TET1: variants seen among roughly 807,000 people sequenced by gnomAD.
TET1 encodes tet methylcytosine dioxygenase 1, also known as methylcytosine dioxygenase TET1.
A neutral mutation model predicts 148.7 loss-of-function variants in TET1; 13 were observed. That is an observed-to-expected ratio of 0.09 (90% CI 0.06 to 0.14). TET1 has a LOEUF of 0.14. Among genes scored for constraint, TET1 ranks in the 10% least tolerant of loss-of-function variants. The pLI is 1.00. For missense variants in TET1, 2,182 were observed against 2,553.8 expected (o/e 0.85, Z 3.14); for synonymous variants, 907 against 937.2 (o/e 0.97, Z 0.59).
At chr10:68,652,373 CG>C in intron 5 of TET1, 127 bp from the exon 6 acceptor site, 2 of 532,788 alleles carry the variant, frequency 3.8e-6, no homozygotes, top group Non-Finnish European at 6.3e-6. Context: ...GAGTAAATTA[CG>C]AAGAGTGTCT....
chr10:68,597,816 A>C (rs1026854295), intron 2 of TET1, among the ~76,000 whole-genome samples: 4 of 152,246 alleles, frequency 2.6e-5, no homozygotes, highest in African/African-American at 9.6e-5. Context: ...CCTTGTAAAT[A>C]TTATGCTATT....
At chr10:68,587,876 G>T (rs777398671) in intron 2 of TET1, among the ~76,000 whole-genome samples, 2 of 152,078 alleles carry the variant, frequency 1.3e-5, no homozygotes, top group African/African-American at 2.4e-5. Flanking sequence ...ACGTCTTGTT[G>T]TTTTTGTTTT....
chr10:68,632,431 T>G, intron 3 of TET1: 1 of 1,612,078 alleles, frequency 6.2e-7, no homozygotes, highest in Non-Finnish European at 8.5e-7. Flanking sequence ...GCTCCTAGGA[T>G]TTTTAGATGT....
chr10:68,682,351 A>T (rs1388143241), intron 9 of TET1, among the ~76,000 whole-genome samples: 1 of 152,058 alleles, frequency 6.6e-6, no homozygotes, highest in African/African-American at 2.4e-5. Flanking sequence ...GCCACAAGTG[A>T]TCTGCCCGCC....
chr10:68,686,619 A>G lies in TET1; in HGVS notation c.5316A>G (p.Ala1772=), dbSNP rs1756635059. 1.9e-6 allele frequency: 3 copies of G among 1,614,232 alleles called. No individual in the cohort carries two copies. Among genetic ancestry groups the G allele is most frequent in the Non-Finnish European group, 2.5e-6 (3 of 1,180,046 alleles). The change falls in exon 11 of 12, where the codon GCA becomes GCG. Residue 1772 remains alanine, a synonymous_variant. Transcript: ENST00000373644. ...AGGTTCTTGCACATAAGATAAGGGCAGTGGAAAAGAAACCTATTCCCCGAA... is the reference window on the plus strand; with the variant it reads ...AGGTTCTTGCACATAAGATAAGGGCGGTGGAAAAGAAACCTATTCCCCGAA... The part of the protein sequence containing the change: ...MTEVLAHKIR[A]VEKKPIPRIK...
Position 68,691,684 on chromosome 10 carries a change from A to T in TET1, c.6281A>T (p.Gln2094Leu). 1 of 1,614,228 alleles carries T rather than the reference A, an allele frequency of 6.2e-7. No individual in the cohort carries two copies. The highest frequency in any genetic ancestry group is 8.5e-7 in the Non-Finnish European group (1 of 1,180,048). ...KDQAANEGPE[Q>L]SSEVNELNQI... ...CAGGCAGCTAATGAAGGTCCAGAAC[A>T]GTCCTCTGAAGTAAATGAATTGAAC... is the stretch of plus-strand genomic sequence containing the variant. Residue 2094 changes from glutamine to leucine, a missense_variant, in exon 12 of 12, where the codon CAG (glutamine) becomes CTG (leucine). By Grantham distance (113) the Gln-to-Leu change is moderately radical. Transcript: ENST00000373644. The surrounding 1 kb of genome is among the most constrained non-coding windows in gnomAD (Gnocchi z 4.4).
rs1404496475 is a variant in TET1 at position 68,691,284 on chromosome 10, GAGC to G, written c.5886_5888del (p.Gln1962del). 1 of 1,614,150 alleles carries G rather than the reference GAGC, an allele frequency of 6.2e-7. No homozygotes were observed. Among genetic ancestry groups the G allele is most frequent in the Non-Finnish European group, 8.5e-7 (1 of 1,180,040 alleles). On this transcript the variant is annotated inframe_deletion, in exon 12 of 12. Coordinates refer to ENST00000373644, the MANE Select transcript of TET1 (RefSeq NM_030625.3). This position sits in a 1 kb window ranked among gnomAD's most constrained non-coding sequence, Gnocchi z 4.4. ...TGCCTCTTCTCCAATGGAAGAAGAT[GAGC>G]AGCATTCTGAAGCAGATGAGCCTCC...
At chr10:68,629,163 G>C (rs10823237) in intron 3 of TET1, among the ~76,000 whole-genome samples, 59,429 of 151,772 alleles carry the variant, frequency 0.39, 11,791 homozygotes, top group East Asian at 0.44. Context: ...TCAGGAGTTT[G>C]AGATCAGCCT....
chr10:68,681,469 C>G lies in TET1; in HGVS notation c.4895C>G (p.Pro1632Arg). The G allele has an allele frequency of 6.2e-7, 1 of 1,612,540 alleles. No homozygotes were observed. Among genetic ancestry groups the G allele is most frequent in the Non-Finnish European group, 8.5e-7 (1 of 1,178,812 alleles). ...GCTCCAATTTATAAGCAGTATGCTC[C>G]AGTAGCTTACCAAAATCAGGTATGT... Reference protein sequence around the residue: ...RLAPIYKQYAPVAYQNQVEYE... With the variant: ...RLAPIYKQYARVAYQNQVEYE... Residue 1632 changes from proline (P) to arginine (R), a missense_variant, in exon 9 of 12, where the codon CCA becomes CGA. Coordinates refer to ENST00000373644, the MANE Select transcript of TET1 (RefSeq NM_030625.3).
At chr10:68,632,118 G>A (rs2054581195) in intron 3 of TET1, among the ~76,000 whole-genome samples, 1 of 152,050 alleles carries the variant, frequency 6.6e-6, no homozygotes, top group African/African-American at 2.4e-5. Flanking sequence ...ATGTCAGATC[G>A]AGACCATCGT....
intron 2 of TET1, among the ~76,000 whole-genome samples, chr10:68,583,165 A>G (rs906538237): frequency 1.3e-5 from 2 of 152,156 alleles, no homozygotes; most frequent in African/African-American, 4.8e-5. Context: ...GTGCATGTTT[A>G]TTTTGCTGCA....
intron 1 of TET1, among the ~76,000 whole-genome samples, chr10:68,569,119 A>T (rs568453054): frequency 6.0e-5 from 9 of 150,214 alleles, no homozygotes; most frequent in Middle Eastern, 3.5e-3. Flanking sequence ...TGGATTGTTA[A>T]TTGGAATGTG....
intron 7 of TET1, among the ~76,000 whole-genome samples, chr10:68,672,512 CA>C (rs2055289027): frequency 1.5e-4 from 8 of 54,840 alleles, no homozygotes; most frequent in Non-Finnish European, 2.9e-4. Context: ...AAAAAAAAAA[CA>C]CCAAAAAAAA....
At chr10:68,624,373 T>C (rs1421214947) in intron 3 of TET1, among the ~76,000 whole-genome samples, 3 of 152,176 alleles carry the variant, frequency 2.0e-5, no homozygotes, top group Non-Finnish European at 1.5e-5. Flanking sequence ...CACCGCAACC[T>C]CCGCCTTCCG....
Position 68,646,806 on chromosome 10 carries a change from G to A in TET1, c.4077G>A (p.Val1359=), listed in dbSNP as rs1391680273. The A allele has an allele frequency of 6.2e-7, 1 of 1,614,186 alleles. No homozygotes were observed. The highest frequency in any genetic ancestry group is 1.1e-5 in the South Asian group (1 of 91,084). The change falls in exon 4 of 12, where the codon GTG becomes GTA. Residue 1359 remains valine, a synonymous_variant. Coordinates refer to ENST00000373644, the MANE Select transcript of TET1 (RefSeq NM_030625.3). Reference sequence around the variant, plus strand: ...TAACTCTCAGGAATGTAAATGTAGTGTGTTCAGGTGGAATTACAGTGGTTT... The same window carrying A: ...TAACTCTCAGGAATGTAAATGTAGTATGTTCAGGTGGAATTACAGTGGTTT... ...SALTLRNVNV[V]CSGGITVVST... is the part of the protein sequence containing the mutation.
At chr10:68,592,277 C>T (rs72637095) in intron 2 of TET1, among the ~76,000 whole-genome samples, 43,497 of 152,132 alleles carry the variant, frequency 0.29, 7,671 homozygotes, top group Middle Eastern at 0.43. Context: ...GATCGTGCCA[C>T]TGCATGCCAG....
intron 8 of TET1, among the ~76,000 whole-genome samples, chr10:68,673,736 C>G (rs2055305998): frequency 6.6e-6 from 1 of 151,268 alleles, no homozygotes; most frequent in Admixed American, 6.6e-5. Context: ...GAGCAGTGAC[C>G]AAGAGTAAAA....
intron 2 of TET1, among the ~76,000 whole-genome samples, chr10:68,582,098 A>AT (rs111735904): frequency 0.014 from 1,390 of 102,514 alleles, 11 homozygotes; most frequent in African/African-American, 0.025. Context: ...AGATGACACT[A>AT]TTTTTTTTTT....
chr10:68,572,632 C>T lies in TET1; in HGVS notation c.294C>T (p.Thr98=), dbSNP rs2133685377. ...EVLFQNPESL[T]CNGFTMALRS... is the part of the protein sequence containing the mutation. ...TTTTTCAGAACCCAGAGTCCTTAAC[C>T]TGCAATGGGTTTACAATGGCGCTAC... The change falls in exon 2 of 12, where the codon ACC becomes ACT. Residue 98 remains threonine (T), a synonymous_variant. Coordinates refer to ENST00000373644, the MANE Select transcript of TET1 (RefSeq NM_030625.3). 2.5e-6 allele frequency: 4 copies of T among 1,614,180 alleles called. No homozygotes were observed. Among genetic ancestry groups the T allele is most frequent in the Non-Finnish European group, 3.4e-6 (4 of 1,180,018 alleles).
Sources: allele counts gnomAD v4.1 joint callset (sites outside exome capture counted in the v4.1 genomes callset), GRCh38; gene constraint gnomAD v4.1.1; non-coding constraint Gnocchi (gnomAD v3.1); transcripts MANE v1.5; gene names NCBI Gene and HGNC (gene_info 2026-07-23, HGNC 2026-07-21).